ARHGAP15: variants seen among roughly 807,000 people sequenced by gnomAD.
The protein encoded by ARHGAP15 is Rho GTPase activating protein 15.
A neutral mutation model predicts 63.7 loss-of-function variants in ARHGAP15; 51 were observed. That is an observed-to-expected ratio of 0.80 (90% CI 0.64 to 1.01). The LOEUF (loss-of-function observed/expected upper bound fraction) is 1.01, where lower values mean the gene tolerates loss of function less well. ARHGAP15 is among the 50% of genes least tolerant of loss of function. ARHGAP15 has a pLI of 0.00. For synonymous variants in ARHGAP15, 191 were observed against 193.8 expected, an observed-to-expected ratio of 0.99 and a Z score of 0.12; for missense variants, 560 against 564.6, an observed-to-expected ratio of 0.99 and a Z score of 0.08.
intron 2 of ARHGAP15, among the ~76,000 whole-genome samples, chr2:143,180,864 G>A (rs1248863270): frequency 1.3e-5 from 2 of 152,002 alleles, no homozygotes; most frequent in African/African-American, 2.4e-5. Flanking sequence ...TAGTAGAGAC[G>A]GGGTTTCACC....
intron 10 of ARHGAP15, among the ~76,000 whole-genome samples, chr2:143,543,473 T>G (rs897671160): frequency 1.3e-5 from 2 of 152,172 alleles, no homozygotes; most frequent in African/African-American, 4.8e-5. Flanking sequence ...AATGTATATT[T>G]TGAAAATAAT....
intron 3 of ARHGAP15, among the ~76,000 whole-genome samples, chr2:143,214,414 C>T (rs1692672784): frequency 6.6e-6 from 1 of 152,050 alleles, no homozygotes; most frequent in Non-Finnish European, 1.5e-5. Flanking sequence ...ACCAGTGATA[C>T]ACAGAGTTAA....
At chr2:143,434,888 T>A (rs1187833503) in intron 6 of ARHGAP15, among the ~76,000 whole-genome samples, 1 of 152,170 alleles carries the variant, frequency 6.6e-6, no homozygotes, top group East Asian at 1.9e-4. Context: ...AGATTCACTG[T>A]AATGAAAAAT....
intron 11 of ARHGAP15, among the ~76,000 whole-genome samples, chr2:143,564,347 A>G (rs1255157500): frequency 1.3e-5 from 2 of 152,166 alleles, no homozygotes; most frequent in East Asian, 3.8e-4. Flanking sequence ...TATAAACACA[A>G]GAAAGGGGGG....
intron 6 of ARHGAP15, among the ~76,000 whole-genome samples, chr2:143,429,513 A>G (rs1443156971): frequency 6.6e-6 from 1 of 152,162 alleles, no homozygotes; most frequent in East Asian, 1.9e-4. Context: ...TTTACTTTCC[A>G]TTAAATAAGA....
intron 11 of ARHGAP15, among the ~76,000 whole-genome samples, chr2:143,560,704 T>A (rs2105095989): frequency 6.6e-6 from 1 of 152,364 alleles, no homozygotes; most frequent in Admixed American, 6.5e-5. Flanking sequence ...CAAGAGCTAT[T>A]TGGAGAAACG....
chr2:143,397,665 C>T (rs997247697), intron 6 of ARHGAP15, among the ~76,000 whole-genome samples: 8 of 152,102 alleles, frequency 5.3e-5, no homozygotes, highest in African/African-American at 1.7e-4. Flanking sequence ...AAACCTAACA[C>T]TTTAATGTGA....
At chr2:143,642,760 G>A (rs1262541582) in intron 12 of ARHGAP15, among the ~76,000 whole-genome samples, 1 of 152,132 alleles carries the variant, frequency 6.6e-6, no homozygotes, top group Non-Finnish European at 1.5e-5. Context: ...AGGCCTTCAT[G>A]AAGGAGGCAT....
intron 13 of ARHGAP15, chr2:143,766,683 G>C (rs1686956702): frequency 6.6e-6 from 1 of 152,194 alleles, no homozygotes; most frequent in Non-Finnish European, 1.5e-5. Context: ...GACTGCAAAA[G>C]TTATGGCCGC....
chr2:143,289,773 C>T (rs1682295470), intron 6 of ARHGAP15, among the ~76,000 whole-genome samples: 1 of 152,082 alleles, frequency 6.6e-6, no homozygotes, highest in African/African-American at 2.4e-5. Context: ...CAATTCTTAC[C>T]TAGTGGCTTT....
At chr2:143,244,788 A>G (rs1220636523) in intron 5 of ARHGAP15, among the ~76,000 whole-genome samples, 1 of 152,202 alleles carries the variant, frequency 6.6e-6, no homozygotes, top group African/African-American at 2.4e-5. Context: ...AGGGTTTTTG[A>G]CTGGCCACAG....
chr2:143,178,946 G>A (rs1691116802), intron 2 of ARHGAP15, among the ~76,000 whole-genome samples: 1 of 152,170 alleles, frequency 6.6e-6, no homozygotes, highest in Admixed American at 6.5e-5. Context: ...CTATGATTTT[G>A]GAGTCTTTAG....
At chr2:143,730,395 G>A (rs1253644518) in intron 13 of ARHGAP15, among the ~76,000 whole-genome samples, 4 of 136,872 alleles carry the variant, frequency 2.9e-5, no homozygotes, top group African/African-American at 4.9e-5. Context: ...ACAAAAGTAT[G>A]CAATATTTCT....
rs543256385 is a variant in ARHGAP15, at chr2:143,666,013, A to T, written c.1139-37406A>T. On this transcript the variant is annotated intron_variant, in intron 12 of 13. Coordinates refer to ENST00000295095, the MANE Select transcript of ARHGAP15 (RefSeq NM_018460.4). ...ACTGCCCAAGGTAATTTACAGATTC[A>T]ATGCCAACCCCATCAAGCTACCAAT... Among the ~76,000 whole-genome samples, 254 of 151,128 alleles carry T rather than the reference A, an allele frequency of 1.7e-3. 2 individuals are homozygous for T. The highest frequency in any genetic ancestry group is 5.9e-3 in the African/African-American group (244 of 41,204).
At chr2:143,306,307 T>C (rs985217296) in intron 6 of ARHGAP15, among the ~76,000 whole-genome samples, 8 of 152,070 alleles carry the variant, frequency 5.3e-5, no homozygotes, top group Non-Finnish European at 7.4e-5. Context: ...TTTGTAGAGA[T>C]AGGGGGAGAC....
intron 11 of ARHGAP15, among the ~76,000 whole-genome samples, chr2:143,594,722 C>G (rs941736030): frequency 6.6e-6 from 1 of 152,128 alleles, no homozygotes; most frequent in Non-Finnish European, 1.5e-5. Flanking sequence ...ATGTTTTTCC[C>G]TATGGAACAT....
chr2:143,536,870 A>T (rs1248089593), intron 10 of ARHGAP15, among the ~76,000 whole-genome samples: 1 of 152,052 alleles, frequency 6.6e-6, no homozygotes, highest in South Asian at 2.1e-4. Flanking sequence ...ATGATTTATA[A>T]TCCTTTGGGT....
rs950608912 is a variant in ARHGAP15, at chr2:143,738,714, T to C, written c.1245-29275T>C. Among the ~76,000 whole-genome samples the C allele has an allele frequency of 2.6e-5, 4 of 152,252 alleles. No individual in the cohort carries two copies. The East Asian group carries it at 7.7e-4, about 29-fold the overall frequency. ...TGTTTCTATTTCTTTTCTTAATCCA[T>C]GAATTGACTGAGCTCTAAAATCCGC... On this transcript the variant is annotated intron_variant, in intron 13 of 13. Transcript: ENST00000295095.
At chr2:143,250,476 A>C (rs1680101817) in intron 5 of ARHGAP15, 35 bp from the exon 6 acceptor site, 1 of 1,517,804 alleles carries the variant, frequency 6.6e-7, no homozygotes, top group African/African-American at 1.4e-5. Flanking sequence ...ACAGTGTTGC[A>C]TCCTCTTATT....
Sources: allele counts gnomAD v4.1 joint callset (sites outside exome capture counted in the v4.1 genomes callset), GRCh38; gene constraint gnomAD v4.1.1; transcripts MANE v1.5; gene names NCBI Gene and HGNC (gene_info 2026-07-23, HGNC 2026-07-21).